PTPRR: variants seen among roughly 807,000 people sequenced by gnomAD.
PTPRR encodes protein tyrosine phosphatase receptor type R.
Under a neutral mutation model 77.2 loss-of-function variants are expected in PTPRR, and 38 were observed. That is an observed-to-expected ratio of 0.49 (90% CI 0.38 to 0.65). PTPRR has a LOEUF of 0.65. PTPRR is among the 30% of genes least tolerant of loss of function. PTPRR has a pLI of 0.00. For missense variants in PTPRR, 744 were observed against 799.2 expected, an observed-to-expected ratio of 0.93 and a Z score of 0.83; for synonymous variants, 299 against 283.1, an observed-to-expected ratio of 1.06 and a Z score of -0.57.
At chr12:70,784,286 T>G (rs1891273605) in intron 2 of PTPRR, among the ~76,000 whole-genome samples, 1 of 152,150 alleles carries the variant, frequency 6.6e-6, no homozygotes, top group South Asian at 2.1e-4. Context: ...CCTGCCAACT[T>G]GGAAGGGGCA....
intron 1 of PTPRR, among the ~76,000 whole-genome samples, chr12:70,908,787 T>C (rs1893660775): frequency 6.6e-6 from 1 of 152,190 alleles, no homozygotes; most frequent in South Asian, 2.1e-4. Flanking sequence ...TGCTATTCCA[T>C]CTCGTTCTTG....
intron 3 of PTPRR, 119 bp from the exon 4 acceptor site, chr12:70,761,745 T>C: frequency 2.7e-6 from 2 of 744,778 alleles, no homozygotes. Flanking sequence ...TAAAAGGCTT[T>C]GTGGAGATTA....
At chr12:70,671,506 T>C (rs1217506486) in intron 10 of PTPRR, among the ~76,000 whole-genome samples, 5 of 152,110 alleles carry the variant, frequency 3.3e-5, no homozygotes, top group Admixed American at 3.3e-4. Context: ...ACAAAAATCA[T>C]TTCTCCAATT....
At chr12:70,775,175 T>C (rs1169304733) in intron 2 of PTPRR, among the ~76,000 whole-genome samples, 1 of 149,874 alleles carries the variant, frequency 6.7e-6, no homozygotes, top group African/African-American at 2.5e-5. Context: ...TTTTTATTGT[T>C]ATTACAAATA....
chr12:70,658,735 T>A (rs1283337450), intron 12 of PTPRR, among the ~76,000 whole-genome samples: 1 of 151,334 alleles, frequency 6.6e-6, no homozygotes, highest in Non-Finnish European at 1.5e-5. Flanking sequence ...TTTTTTTTTT[T>A]AAGTAAGAAT....
At chr12:70,918,517 TA>T (rs1241667182) in intron 1 of PTPRR, among the ~76,000 whole-genome samples, 1 of 152,174 alleles carries the variant, frequency 6.6e-6, no homozygotes, top group African/African-American at 2.4e-5. Flanking sequence ...GAACTCCAGG[TA>T]AAATCTAGGG....
chr12:70,760,125 A>C (rs1592738719), intron 4 of PTPRR, among the ~76,000 whole-genome samples: 1 of 152,154 alleles, frequency 6.6e-6, no homozygotes, highest in South Asian at 2.1e-4. Context: ...TTCAAATTAC[A>C]TTTGTCTGCT....
At chr12:70,685,898 C>T (rs1156626543) in intron 8 of PTPRR, among the ~76,000 whole-genome samples, 1 of 152,140 alleles carries the variant, frequency 6.6e-6, no homozygotes, top group Non-Finnish European at 1.5e-5. Context: ...AAATAATTTG[C>T]CCAAAGGTAC....
chr12:70,912,186 T>C (rs1265428319), intron 1 of PTPRR, among the ~76,000 whole-genome samples: 1 of 152,224 alleles, frequency 6.6e-6, no homozygotes, highest in African/African-American at 2.4e-5. Flanking sequence ...TATGATATTA[T>C]GTTTGATCAT....
intron 10 of PTPRR, among the ~76,000 whole-genome samples, chr12:70,664,995 G>T (rs1229081569): frequency 6.6e-6 from 1 of 152,082 alleles, no homozygotes; most frequent in Non-Finnish European, 1.5e-5. Flanking sequence ...GCTTTTTAGG[G>T]TTTCTTTATT....
At chr12:70,720,805 C>T (rs1183327245) in intron 6 of PTPRR, among the ~76,000 whole-genome samples, 3 of 152,010 alleles carry the variant, frequency 2.0e-5, no homozygotes, top group Non-Finnish European at 4.4e-5. Context: ...CTTATTGGTA[C>T]TACCACTAGG....
chr12:70,914,172 T>C (rs544372292), intron 1 of PTPRR, among the ~76,000 whole-genome samples: 1 of 152,274 alleles, frequency 6.6e-6, no homozygotes, highest in South Asian at 2.1e-4. Context: ...TAGAACAGTA[T>C]GTGAAATGAT....
intron 2 of PTPRR, among the ~76,000 whole-genome samples, chr12:70,779,543 T>A (rs531427298): frequency 6.6e-6 from 1 of 152,324 alleles, no homozygotes; most frequent in South Asian, 2.1e-4. Context: ...CTTTTCCTCA[T>A]AGCATTTATC....
intron 6 of PTPRR, among the ~76,000 whole-genome samples, chr12:70,715,027 T>C (rs1305053497): frequency 6.6e-6 from 1 of 151,762 alleles, no homozygotes; most frequent in Admixed American, 6.6e-5. Flanking sequence ...CAAAATAATT[T>C]TTTTTTTGTT....
At chr12:70,888,979 A>C (rs1893288169) in intron 2 of PTPRR, among the ~76,000 whole-genome samples, 1 of 152,330 alleles carries the variant, frequency 6.6e-6, no homozygotes, top group Non-Finnish European at 1.5e-5. Flanking sequence ...TATCCTAGGG[A>C]TCTTAACTTT....
intron 2 of PTPRR, among the ~76,000 whole-genome samples, chr12:70,841,964 A>C (rs1040798660): frequency 6.6e-6 from 1 of 152,162 alleles, no homozygotes; most frequent in East Asian, 1.9e-4. Context: ...CCTTTAGGTA[A>C]TATCAGCACC....
intron 2 of PTPRR, among the ~76,000 whole-genome samples, chr12:70,825,193 G>A (rs1297015363): frequency 6.6e-6 from 1 of 152,106 alleles, no homozygotes; most frequent in Non-Finnish European, 1.5e-5. Flanking sequence ...CAAGAGAATC[G>A]CTTGAACCCA....
intron 2 of PTPRR, among the ~76,000 whole-genome samples, chr12:70,794,779 C>G (rs575530737): frequency 6.6e-6 from 1 of 152,324 alleles, no homozygotes; most frequent in South Asian, 2.1e-4. Context: ...AGGATCAATC[C>G]TGGAAACCTT....
At chr12:70,692,207 C>A (rs1888079307) in intron 8 of PTPRR, among the ~76,000 whole-genome samples, 1 of 151,962 alleles carries the variant, frequency 6.6e-6, no homozygotes, top group Admixed American at 6.6e-5. Context: ...CCTATTTGTC[C>A]GTTGGACTCA....
Sources: gnomAD v4.1 joint callset for allele counts (sites outside exome capture counted in the v4.1 genomes callset) on GRCh38, gnomAD v4.1.1 for gene constraint, MANE v1.5 for transcripts, NCBI Gene and HGNC (gene_info 2026-07-23, HGNC 2026-07-21) for gene names.